KLHL1: variants seen among roughly 807,000 people sequenced by gnomAD.
KLHL1 encodes the protein kelch like family member 1.
In KLHL1, 47 loss-of-function variants were observed where a neutral mutation model predicts 77.7. The observed-to-expected ratio is 0.60, with a 90% CI of 0.48 to 0.77. KLHL1 has a LOEUF of 0.77. KLHL1 is among the 30% of genes least tolerant of loss of function. The pLI is 0.00. For synonymous variants in KLHL1, 360 were observed against 325.2 expected, an observed-to-expected ratio of 1.11 and a Z score of -1.15; for missense variants, 925 against 910.8, an observed-to-expected ratio of 1.02 and a Z score of -0.20.
intron 7 of KLHL1, among the ~76,000 whole-genome samples, chr13:69,794,868 A>C (rs2138034903): frequency 6.6e-6 from 1 of 152,306 alleles, no homozygotes; most frequent in Admixed American, 6.5e-5. Flanking sequence ...GAAAGGATAA[A>C]GACAAAAATA....
chr13:69,704,104 C>G (rs1241939226), intron 10 of KLHL1, among the ~76,000 whole-genome samples: 2 of 151,574 alleles, frequency 1.3e-5, no homozygotes, highest in Admixed American at 6.6e-5. Flanking sequence ...AGTAGCTTAA[C>G]TTTATATCTT....
intron 3 of KLHL1, among the ~76,000 whole-genome samples, chr13:69,947,071 TGTGAA>T (rs1341240132): frequency 2.3e-5 from 3 of 130,422 alleles, no homozygotes; most frequent in Non-Finnish European, 3.2e-5. Context: ...TGTGTGTGTG[TGTGAA>T]GATCTTCTTC....
chr13:70,101,937 T>C (rs1887932290), intron 1 of KLHL1, among the ~76,000 whole-genome samples: 1 of 140,928 alleles, frequency 7.1e-6, no homozygotes, highest in Non-Finnish European at 1.5e-5. Context: ...CACAGAAACC[T>C]AGGATAAAGT....
intron 9 of KLHL1, among the ~76,000 whole-genome samples, chr13:69,712,862 G>A (rs1310769127): frequency 1.3e-5 from 2 of 150,286 alleles, no homozygotes; most frequent in Non-Finnish European, 3.0e-5. Flanking sequence ...GGCTCACCAC[G>A]ACCTCTAGAG....
chr13:69,823,451 A>T (rs1442087531), intron 6 of KLHL1, among the ~76,000 whole-genome samples: 4 of 152,014 alleles, frequency 2.6e-5, no homozygotes, highest in Non-Finnish European at 5.9e-5. Flanking sequence ...GCCAAAAATT[A>T]AAAAATCATT....
intron 1 of KLHL1, among the ~76,000 whole-genome samples, chr13:70,048,652 C>A (rs887028370): frequency 6.6e-6 from 1 of 152,204 alleles, no homozygotes; most frequent in Non-Finnish European, 1.5e-5. Flanking sequence ...CCCTCACATG[C>A]GCAGTTCACA....
intron 1 of KLHL1, among the ~76,000 whole-genome samples, chr13:70,021,940 G>T (rs1583917): frequency 0.85 from 129,162 of 151,978 alleles, 55,243 homozygotes; most frequent in East Asian, 0.92. Context: ...CCAGTCTGTG[G>T]CTTGTCTTTT....
intron 1 of KLHL1, among the ~76,000 whole-genome samples, chr13:70,004,479 T>C (rs1035183963): frequency 1.3e-5 from 2 of 151,300 alleles, no homozygotes; most frequent in African/African-American, 4.8e-5. Context: ...AATTGCAATC[T>C]AATTGGAAGA....
chr13:69,814,530 A>G (rs979196213), intron 6 of KLHL1, among the ~76,000 whole-genome samples: 16 of 152,190 alleles, frequency 1.1e-4, no homozygotes, highest in African/African-American at 3.9e-4. Context: ...CAGAATCTTT[A>G]AGACACTTAA....
At chr13:69,835,749 C>T (rs1878961973) in intron 6 of KLHL1, among the ~76,000 whole-genome samples, 1 of 151,686 alleles carries the variant, frequency 6.6e-6, no homozygotes, top group Admixed American at 6.6e-5. Context: ...AGAACCCAAC[C>T]TTTTAGATGT....
At chr13:69,982,626 G>C (rs1336315444) in intron 1 of KLHL1, among the ~76,000 whole-genome samples, 1 of 151,444 alleles carries the variant, frequency 6.6e-6, no homozygotes, top group African/African-American at 2.4e-5. Context: ...ATTCTTCCCT[G>C]TCAATAATTA....
intron 1 of KLHL1, among the ~76,000 whole-genome samples, chr13:69,976,060 T>C (rs1312998567): frequency 6.6e-6 from 1 of 152,098 alleles, no homozygotes; most frequent in Non-Finnish European, 1.5e-5. Context: ...TCTGTATTGA[T>C]TAGGACCTTA....
intron 8 of KLHL1, among the ~76,000 whole-genome samples, chr13:69,726,672 T>C (rs949416126): frequency 2.6e-5 from 4 of 152,182 alleles, no homozygotes; most frequent in African/African-American, 7.2e-5. Context: ...ATTGTAAATA[T>C]GTGAATTAAT....
chr13:69,921,334 A>G (rs561197565), intron 4 of KLHL1, among the ~76,000 whole-genome samples: 7 of 152,218 alleles, frequency 4.6e-5, no homozygotes, highest in Non-Finnish European at 7.3e-5. Flanking sequence ...TGTGAGTGCC[A>G]TAATGGGATT....
intron 1 of KLHL1, among the ~76,000 whole-genome samples, chr13:70,073,718 G>A (rs1411065945): frequency 8.5e-5 from 13 of 152,162 alleles, no homozygotes; most frequent in Admixed American, 1.3e-4. Context: ...TAGAGGCTGC[G>A]GTGAGCCATG....
intron 6 of KLHL1, among the ~76,000 whole-genome samples, chr13:69,811,281 A>T (rs1029195797): frequency 3.3e-5 from 5 of 152,118 alleles, no homozygotes; most frequent in African/African-American, 1.2e-4. Flanking sequence ...ATTCATCACA[A>T]TTAAGTAGGT....
At chr13:70,064,167 G>GTATTTAT (rs1303093938) in intron 1 of KLHL1, among the ~76,000 whole-genome samples, 16 of 152,034 alleles carry the variant, frequency 1.1e-4, no homozygotes, top group Non-Finnish European at 1.0e-4. Flanking sequence ...AAAGCAACAA[G>GTATTTAT]TATTTATTTT....
At chr13:69,821,853 A>T (rs976345592) in intron 6 of KLHL1, among the ~76,000 whole-genome samples, 4 of 152,094 alleles carry the variant, frequency 2.6e-5, no homozygotes, top group African/African-American at 9.7e-5. Context: ...CCATTAATAG[A>T]ACTTAAGCTA....
chr13:69,797,265 C>A (rs919929557), intron 6 of KLHL1, among the ~76,000 whole-genome samples: 4 of 152,126 alleles, frequency 2.6e-5, no homozygotes, highest in African/African-American at 9.7e-5. Flanking sequence ...GTGGATTTTA[C>A]AAATTCCCTC....
Sources: gnomAD v4.1 joint callset for allele counts (sites outside exome capture counted in the v4.1 genomes callset) on GRCh38, gnomAD v4.1.1 for gene constraint, MANE v1.5 for transcripts, NCBI Gene and HGNC (gene_info 2026-07-23, HGNC 2026-07-21) for gene names.